The following RUNX1T1 variants were observed in gnomAD, a reference collection of about 807,000 sequenced individuals.
RUNX1T1 encodes RUNX1 partner transcriptional co-repressor 1, also known as protein CBFA2T1.
Under a neutral mutation model 62.8 loss-of-function variants are expected in RUNX1T1, and 4 were observed. The observed-to-expected ratio is 0.06, with a 90% CI of 0.03 to 0.15. RUNX1T1 has a LOEUF of 0.15. RUNX1T1 is among the 10% of genes least tolerant of loss of function. RUNX1T1 has a pLI of 1.00. For synonymous variants in RUNX1T1, 291 were observed against 286.0 expected (o/e 1.02, Z -0.18); for missense variants, 508 against 754.3 (o/e 0.67, Z 3.82).
chr8:91,964,997 T>C (rs1338356861), intron 10 of RUNX1T1, among the ~76,000 whole-genome samples: 1 of 152,164 alleles, frequency 6.6e-6, no homozygotes, highest in African/African-American at 2.4e-5. Context: ...GTTATGTCAG[T>C]GCTAAGCACA....
At chr8:92,102,183 G>C (rs1364277761), upstream of RUNX1T1, among the ~76,000 whole-genome samples, 2 of 152,114 alleles carry the variant, frequency 1.3e-5, no homozygotes, top group Non-Finnish European at 1.5e-5. The surrounding 1 kb of genome is among the most constrained non-coding windows in gnomAD (Gnocchi z 4.5). Flanking sequence ...CCCGGGACCA[G>C]CCTCGGGCGG....
intron 1 of RUNX1T1, among the ~76,000 whole-genome samples, chr8:92,018,492 A>G (rs1310444112): frequency 6.6e-6 from 1 of 152,116 alleles, no homozygotes; most frequent in Non-Finnish European, 1.5e-5. Context: ...CACACACCCA[A>G]CGTATTTTGA....
At chr8:92,066,531 C>T (rs887658753), upstream of RUNX1T1, among the ~76,000 whole-genome samples, 1 of 152,144 alleles carries the variant, frequency 6.6e-6, no homozygotes, top group African/African-American at 2.4e-5. Flanking sequence ...GGCAAACCTA[C>T]CTAATGTGTG....
chr8:91,958,194 T>C, downstream of RUNX1T1: 1 of 191,872 alleles, frequency 5.2e-6, no homozygotes, highest in Non-Finnish European at 1.1e-5. Context: ...CTTGTAAACT[T>C]TGGTTGTCTA....
chr8:92,056,558 C>T (rs1043418051), intron 1 of RUNX1T1, among the ~76,000 whole-genome samples: 3 of 151,570 alleles, frequency 2.0e-5, no homozygotes, highest in South Asian at 2.1e-4. Flanking sequence ...ATGTGGAAAA[C>T]AAAATCAAGC....
intron 1 of RUNX1T1, among the ~76,000 whole-genome samples, chr8:92,076,602 G>A (rs941429812): frequency 9.2e-5 from 14 of 151,820 alleles, no homozygotes; most frequent in East Asian, 1.9e-4. Flanking sequence ...ATTTTGTTTC[G>A]CTGTTCTGAA....
At chr8:91,964,718 C>T (rs535575899) in intron 10 of RUNX1T1, among the ~76,000 whole-genome samples, 18 of 152,262 alleles carry the variant, frequency 1.2e-4, no homozygotes, top group Non-Finnish European at 1.8e-4. Flanking sequence ...TTGTCAACTT[C>T]AGATCTTTTA....
intron 1 of RUNX1T1, among the ~76,000 whole-genome samples, chr8:92,024,497 CAAAAAAAAAA>C (rs34547904): frequency 1.1e-4 from 2 of 17,532 alleles, no homozygotes; most frequent in African/African-American, 1.8e-4. Flanking sequence ...AACCCCAACT[CAAAAAAAAAA>C]AAAAAAAAAA....
At chr8:91,956,519 T>G (rs987390705), downstream of RUNX1T1, 1 of 222,358 alleles carries the variant, frequency 4.5e-6, no homozygotes, top group Admixed American at 5.8e-5. Flanking sequence ...AACTTTTTTA[T>G]TACACAGTAA....
At position 92,091,741 on chromosome 8, in the gene RUNX1T1, C is replaced by T. The variant is rs1168380530; in HGVS notation, c.-86+7839G>A. Among the ~76,000 whole-genome samples, 5 of 152,322 alleles carry T rather than the reference C, an allele frequency of 3.3e-5. No homozygotes were observed. The East Asian group carries it at 9.6e-4, about 29-fold the overall frequency. On this transcript the variant is annotated intron_variant, in intron 1 of 11. Transcript: ENST00000265814. ...AGATATGCCAGCATGACATGCCATACTGAACTGTTCTTTGGGCTTGAAACT... is the reference window on the plus strand; with the variant it reads ...AGATATGCCAGCATGACATGCCATATTGAACTGTTCTTTGGGCTTGAAACT...
At chr8:92,064,883 CTTT>C (rs557063336), upstream of RUNX1T1, among the ~76,000 whole-genome samples, 1 of 152,076 alleles carries the variant, frequency 6.6e-6, no homozygotes, top group Admixed American at 6.5e-5. Context: ...TGTAAAAAGG[CTTT>C]TTAAGCTGTT....
At chr8:91,978,706 G>A (rs1814524618) in intron 8 of RUNX1T1, among the ~76,000 whole-genome samples, 1 of 152,046 alleles carries the variant, frequency 6.6e-6, no homozygotes, top group Admixed American at 6.6e-5. Flanking sequence ...AATTTTACTT[G>A]AGCCTCACCC....
chr8:91,986,602 C>T (rs1586834409), intron 7 of RUNX1T1, among the ~76,000 whole-genome samples: 1 of 152,172 alleles, frequency 6.6e-6, no homozygotes, highest in African/African-American at 2.4e-5. Context: ...ATACTAATCC[C>T]ATTACTTTAT....
chr8:92,037,299 C>T (rs1228216749), intron 1 of RUNX1T1, among the ~76,000 whole-genome samples: 1 of 152,212 alleles, frequency 6.6e-6, no homozygotes, highest in Non-Finnish European at 1.5e-5. Context: ...GTTCAGGTGC[C>T]TTGTTCTTCC....
At chr8:92,043,133 A>G (rs190787193) in intron 1 of RUNX1T1, among the ~76,000 whole-genome samples, 2 of 152,340 alleles carry the variant, frequency 1.3e-5, no homozygotes, top group East Asian at 3.9e-4. Context: ...GTTCTAAGGA[A>G]GAATTTCAAT....
intron 1 of RUNX1T1, among the ~76,000 whole-genome samples, chr8:92,020,986 A>G (rs561629057): frequency 1.7e-3 from 266 of 152,324 alleles, no homozygotes; most frequent in Non-Finnish European, 2.9e-3. Context: ...AGAGAGGACC[A>G]GTATAAAACA....
At chr8:91,975,812 G>A in intron 9 of RUNX1T1, 93 bp downstream of exon 10, 5 of 792,746 alleles carry the variant, frequency 6.3e-6, no homozygotes, top group South Asian at 1.5e-5. Context: ...GTTGTTAGCA[G>A]TAAAGTCCTT....
At chr8:92,072,754 C>T (rs1037270810) in intron 2 of RUNX1T1, among the ~76,000 whole-genome samples, 4 of 152,248 alleles carry the variant, frequency 2.6e-5, no homozygotes, top group Non-Finnish European at 5.9e-5. Flanking sequence ...GCTATCAGAC[C>T]CCTCAAACAT....
chr8:92,103,098 G>A, upstream of RUNX1T1: 1 of 425,956 alleles, frequency 2.3e-6, no homozygotes, highest in Non-Finnish European at 4.0e-6. Flanking sequence ...AAAAAGCCCG[G>A]GGTCGGGGAC....
Sources: gnomAD v4.1 joint callset for allele counts (sites outside exome capture counted in the v4.1 genomes callset) on GRCh38, gnomAD v4.1.1 for gene constraint, Gnocchi (gnomAD v3.1) non-coding constraint, MANE v1.5 for transcripts, NCBI Gene and HGNC (gene_info 2026-07-23, HGNC 2026-07-21) for gene names.